The following MACROD2 variants were observed in gnomAD, a reference collection of about 807,000 sequenced individuals.
MACROD2 encodes the protein ADP-ribose glycohydrolase MACROD2.
A neutral mutation model predicts 70.4 loss-of-function variants in MACROD2; 36 were observed. The ratio of observed to expected loss-of-function variants is 0.51; its 90% CI spans 0.39 to 0.68. The LOEUF (loss-of-function observed/expected upper bound fraction) is 0.68. Ranked by LOEUF, MACROD2 falls within the 30% of genes least tolerant of loss-of-function variation. The pLI is 0.00. For synonymous variants in MACROD2, 172 were observed against 178.8 expected (o/e 0.96, Z 0.30); for missense variants, 496 against 538.4 (o/e 0.92, Z 0.78).
intron 5 of MACROD2, among the ~76,000 whole-genome samples, chr20:15,136,774 C>CA (rs1472716383): frequency 6.6e-6 from 1 of 152,074 alleles, no homozygotes; most frequent in Admixed American, 6.6e-5. Flanking sequence ...AATGAACAGG[C>CA]AACCTACAGA....
intron 3 of MACROD2, among the ~76,000 whole-genome samples, chr20:14,169,098 A>G (rs1180050723): frequency 6.6e-6 from 1 of 152,242 alleles, no homozygotes; most frequent in South Asian, 2.1e-4. Context: ...GATTAAGAAC[A>G]AAAATCCCTT....
At chr20:14,233,583 G>C (rs1201030102) in intron 3 of MACROD2, among the ~76,000 whole-genome samples, 1 of 150,896 alleles carries the variant, frequency 6.6e-6, no homozygotes, top group Non-Finnish European at 1.5e-5. Context: ...TGTAGTCCCA[G>C]CTACTCGGGA....
intron 10 of MACROD2, among the ~76,000 whole-genome samples, chr20:15,909,624 C>T (rs1319238120): frequency 6.7e-6 from 1 of 148,302 alleles, no homozygotes; most frequent in African/African-American, 2.5e-5. Flanking sequence ...CCCGGGTTCA[C>T]ACCATTCTCC....
chr20:14,684,658 C>CAT (rs1434892635), intron 4 of MACROD2, among the ~76,000 whole-genome samples, 185 bp from the exon 5 acceptor site: 38 of 147,108 alleles, frequency 2.6e-4, no homozygotes, highest in Middle Eastern at 3.5e-3. Context: ...ACCCCCCCCC[C>CAT]CCGGCCCCCG....
intron 9 of MACROD2, among the ~76,000 whole-genome samples, chr20:15,876,375 G>A (rs2064673980): frequency 6.6e-6 from 1 of 151,548 alleles, no homozygotes; most frequent in African/African-American, 2.4e-5. Context: ...TTGTTTTTTT[G>A]TCCTTGCGAT....
At chr20:14,340,154 A>G (rs2082998432) in intron 3 of MACROD2, among the ~76,000 whole-genome samples, 1 of 152,122 alleles carries the variant, frequency 6.6e-6, no homozygotes, top group East Asian at 1.9e-4. Flanking sequence ...TTTAGCATGA[A>G]ACCCTTTTGG....
rs114535811 is a variant in MACROD2 at position 15,560,990 on chromosome 20, T to G, written c.645+61143T>G. Among the ~76,000 whole-genome samples the G allele has an allele frequency of 2.0e-3, 298 of 152,202 alleles. 3 individuals are homozygous for G. The highest frequency in any genetic ancestry group is 6.9e-3 in the African/African-American group (288 of 41,530). On this transcript the variant is annotated intron_variant, in intron 8 of 17. Coordinates refer to ENST00000684519, the MANE Select transcript of MACROD2 (RefSeq NM_001351661.2). The stretch of plus-strand genomic sequence containing the variant: ...GGCCACAAAAGAGCTCTTACTTAAA[T>G]TATTTGCCCAAACAAAGGAGAAATT...
chr20:15,479,165 C>T (rs1355427700), intron 7 of MACROD2, among the ~76,000 whole-genome samples: 1 of 151,758 alleles, frequency 6.6e-6, no homozygotes, highest in Non-Finnish European at 1.5e-5. Context: ...AGGCTCTAGA[C>T]AGGAAAATGT....
chr20:16,049,322 A>C (rs950876707), intron 17 of MACROD2, among the ~76,000 whole-genome samples: 15 of 152,168 alleles, frequency 9.9e-5, no homozygotes, highest in Non-Finnish European at 1.6e-4. Flanking sequence ...AAAAAAATAA[A>C]GAGTATAGGT....
At chr20:15,545,955 C>T (rs2048020684) in intron 8 of MACROD2, among the ~76,000 whole-genome samples, 1 of 152,074 alleles carries the variant, frequency 6.6e-6, no homozygotes, top group African/African-American at 2.4e-5. Flanking sequence ...AACAGAATTC[C>T]AAATGGAAAG....
chr20:15,569,915 T>C lies in MACROD2; in HGVS notation c.645+70068T>C, dbSNP rs557287744. Among the ~76,000 whole-genome samples the C allele has an allele frequency of 1.1e-4, 16 of 152,288 alleles. No homozygotes were observed. In the East Asian group the frequency reaches 2.7e-3, roughly 26 times the overall value. On this transcript the variant is annotated intron_variant, in intron 8 of 17. Coordinates refer to ENST00000684519, the MANE Select transcript of MACROD2 (RefSeq NM_001351661.2). ...GATGGGCACTTAGGTTGATTCCATATCTTGGGTATAGTGAATGATACTGCA... is the reference window on the plus strand; with the variant it reads ...GATGGGCACTTAGGTTGATTCCATACCTTGGGTATAGTGAATGATACTGCA...
At chr20:14,261,722 A>G (rs1446095525) in intron 3 of MACROD2, among the ~76,000 whole-genome samples, 3 of 127,592 alleles carry the variant, frequency 2.4e-5, no homozygotes, top group Non-Finnish European at 3.9e-5. Context: ...AATGTCTTTT[A>G]TGTGTCAGAT....
intron 2 of MACROD2, among the ~76,000 whole-genome samples, chr20:14,045,999 G>A (rs181529675): frequency 3.6e-4 from 55 of 152,314 alleles, no homozygotes; most frequent in African/African-American, 1.3e-3. Context: ...AGAGTCAGAA[G>A]AATAAACGTC....
intron 5 of MACROD2, among the ~76,000 whole-genome samples, chr20:15,027,129 G>A (rs918592940): frequency 6.6e-6 from 1 of 152,032 alleles, no homozygotes; most frequent in African/African-American, 2.4e-5. Context: ...GGGTAGGAGT[G>A]GGGGAACACA....
intron 5 of MACROD2, among the ~76,000 whole-genome samples, chr20:14,799,753 A>G (rs952681959): frequency 4.6e-5 from 7 of 152,148 alleles, no homozygotes; most frequent in African/African-American, 1.7e-4. Context: ...CATCTATATA[A>G]TTGCAGAGAC....
chr20:15,459,985 A>T (rs2046785301), intron 7 of MACROD2, among the ~76,000 whole-genome samples: 1 of 152,154 alleles, frequency 6.6e-6, no homozygotes, highest in Admixed American at 6.5e-5. Flanking sequence ...CTATGACAGA[A>T]ATCTGGTCAA....
chr20:14,400,071 G>T (rs1231783280), intron 3 of MACROD2, among the ~76,000 whole-genome samples: 1 of 142,928 alleles, frequency 7.0e-6, no homozygotes, highest in South Asian at 2.2e-4. Context: ...CTCCTTGTAG[G>T]TTGTATTTTT....
intron 2 of MACROD2, among the ~76,000 whole-genome samples, chr20:14,003,100 G>A (rs2052757267): frequency 6.6e-6 from 1 of 152,150 alleles, no homozygotes; most frequent in Non-Finnish European, 1.5e-5. Context: ...TTAGACAAAC[G>A]GTGCTTCTTA....
chr20:15,839,894 AACTT>A (rs1217044152), intron 8 of MACROD2, among the ~76,000 whole-genome samples: 4 of 152,162 alleles, frequency 2.6e-5, no homozygotes, highest in African/African-American at 9.7e-5. Context: ...AACTTCAGGC[AACTT>A]ACTTAAACTT....
Sources: gnomAD v4.1 joint callset for allele counts (sites outside exome capture counted in the v4.1 genomes callset) on GRCh38, gnomAD v4.1.1 for gene constraint, MANE v1.5 for transcripts, NCBI Gene and HGNC (gene_info 2026-07-23, HGNC 2026-07-21) for gene names.